Variants in TRAPPC8 observed in about 807,000 individuals in gnomAD.
TRAPPC8 encodes the protein trafficking protein particle complex subunit 8.
TRAPPC8 carries 54 observed loss-of-function variants against 174.3 expected under a neutral mutation model. That is an observed-to-expected ratio of 0.31 (90% CI 0.25 to 0.39). TRAPPC8 has a LOEUF of 0.39. Ranked by LOEUF, TRAPPC8 falls within the 10% of genes least tolerant of loss-of-function variation. The pLI is 1.00. For synonymous variants in TRAPPC8, 630 were observed against 579.9 expected (o/e 1.09, Z -1.24); for missense variants, 1,531 against 1,699.1 (o/e 0.90, Z 1.74).
chr18:31,940,715 T>G (rs903859712), intron 1 of TRAPPC8, among the ~76,000 whole-genome samples: 2 of 151,902 alleles, frequency 1.3e-5, no homozygotes, highest in African/African-American at 4.8e-5. Context: ...GCCAGGATGG[T>G]CTCGAACTCC....
At chr18:31,850,094 G>A (rs185751818) in intron 24 of TRAPPC8, among the ~76,000 whole-genome samples, 25 of 152,100 alleles carry the variant, frequency 1.6e-4, no homozygotes, top group Non-Finnish European at 1.2e-4. Context: ...CTAGGTTACA[G>A]GTGCGTGCCA....
At chr18:31,883,454 T>G (rs2076665154) in intron 12 of TRAPPC8, 1 of 152,146 alleles carries the variant, frequency 6.6e-6, no homozygotes, top group Non-Finnish European at 1.5e-5. Flanking sequence ...TAGCACCCAC[T>G]GTAACAGCTA....
chr18:31,935,364 C>CAAAAAAA (rs10646414), intron 1 of TRAPPC8, among the ~76,000 whole-genome samples: 16,414 of 108,030 alleles, frequency 0.15, 2,709 homozygotes, highest in African/African-American at 0.36. Flanking sequence ...ACAAACAAAC[C>CAAAAAAA]AAAAAAAAAA....
intron 1 of TRAPPC8, among the ~76,000 whole-genome samples, chr18:31,934,685 T>C (rs937079728): frequency 2.0e-5 from 3 of 151,934 alleles, no homozygotes; most frequent in Admixed American, 2.0e-4. Flanking sequence ...CTGGCCAACG[T>C]GGTGAAACCC....
At chr18:31,885,065 G>C (rs1463676186) in intron 12 of TRAPPC8, among the ~76,000 whole-genome samples, 1 of 151,974 alleles carries the variant, frequency 6.6e-6, no homozygotes, top group African/African-American at 2.4e-5. Context: ...CACCGTGTTA[G>C]CCAGGATGGT....
At chr18:31,896,946 C>T (rs543995902) in intron 11 of TRAPPC8, among the ~76,000 whole-genome samples, 35 of 152,192 alleles carry the variant, frequency 2.3e-4, no homozygotes, top group Admixed American at 1.7e-3. Flanking sequence ...ATCTTAAAGA[C>T]AGTTGGCCAT....
At chr18:31,900,901 T>A (rs1249722803) in intron 10 of TRAPPC8, 24 bp downstream of exon 10, 5 of 1,440,636 alleles carry the variant, frequency 3.5e-6, no homozygotes, top group Non-Finnish European at 4.7e-6. Context: ...CTGGATACAA[T>A]ATAAATCTTA....
chr18:31,852,677 G>A lies in TRAPPC8; in HGVS notation c.3434-14C>T, dbSNP rs747276348. On this transcript the variant is annotated splice_polypyrimidine_tract_variant and intron_variant, in intron 22 of 28. Transcript: ENST00000283351. ...CAAGTTTGGTATCTAGGAAGAAAAA[G>A]GGAAATTTCAAAGATGTTTCTCAGT... 6.2e-7 allele frequency: 1 copy of A among 1,608,630 alleles called. No homozygotes were observed. Among genetic ancestry groups the A allele is most frequent in the South Asian group, 1.1e-5 (1 of 90,798 alleles).
rs767553535 is a variant in TRAPPC8 at position 31,908,300 on chromosome 18, C to T, written c.1238+3G>A. On this transcript the variant is annotated splice_donor_region_variant and intron_variant, in intron 8 of 28. Coordinates refer to ENST00000283351, the MANE Select transcript of TRAPPC8 (RefSeq NM_014939.5). ...AAAACAAAAATGATAACACTTTACTCACAGCAAGCCAGATGTATTTTTCAG... is the reference window on the plus strand; with the variant it reads ...AAAACAAAAATGATAACACTTTACTTACAGCAAGCCAGATGTATTTTTCAG... 1 of 1,584,294 alleles carries T rather than the reference C, an allele frequency of 6.3e-7. No homozygotes were observed. The highest frequency in any genetic ancestry group is 1.2e-5 in the South Asian group (1 of 86,182).
chr18:31,921,389 G>A (rs953166748), intron 2 of TRAPPC8, among the ~76,000 whole-genome samples: 14 of 152,060 alleles, frequency 9.2e-5, no homozygotes, highest in Non-Finnish European at 1.5e-5. Flanking sequence ...CGAGGCAGGC[G>A]GATTACCTGA....
rs149488914 is a variant in TRAPPC8 at position 31,923,189 on chromosome 18, T to C, written c.353-5522A>G. On this transcript the variant is annotated intron_variant, in intron 2 of 28. Transcript: ENST00000283351. ...GTAAACAGGATAATGGATGATAAAA[T>C]AGATAACAAAAGTTGAAAAAAATAG... is the stretch of plus-strand genomic sequence containing the variant. Among the ~76,000 whole-genome samples the C allele has an allele frequency of 3.0e-3, 457 of 152,050 alleles. 2 individuals are homozygous for C. Among genetic ancestry groups the C allele is most frequent in the African/African-American group, 9.6e-3 (400 of 41,486 alleles).
chr18:31,936,444 A>G (rs916670738), intron 1 of TRAPPC8, among the ~76,000 whole-genome samples: 7 of 152,164 alleles, frequency 4.6e-5, no homozygotes, highest in African/African-American at 1.7e-4. Context: ...AGCCTAGGTG[A>G]CAAAGTGAGA....
At chr18:31,854,324 C>CA (rs2033877441) in intron 21 of TRAPPC8, among the ~76,000 whole-genome samples, 1 of 151,612 alleles carries the variant, frequency 6.6e-6, no homozygotes, top group African/African-American at 2.4e-5. Context: ...TCTTATTAGG[C>CA]AAAAAAACAA....
intron 27 of TRAPPC8, among the ~76,000 whole-genome samples, chr18:31,833,905 G>A (rs2032533347): frequency 6.7e-6 from 1 of 150,130 alleles, no homozygotes; most frequent in African/African-American, 2.5e-5. Flanking sequence ...GGGAGGCTGA[G>A]GCAGAAGAAT....
chr18:31,934,667 A>G (rs2038000904), intron 1 of TRAPPC8, among the ~76,000 whole-genome samples: 1 of 152,120 alleles, frequency 6.6e-6, no homozygotes, highest in Non-Finnish European at 1.5e-5. Flanking sequence ...CAGGAGTTCA[A>G]GACCAGCCTG....
chr18:31,831,509 T>A (rs2032368470), intron 28 of TRAPPC8, among the ~76,000 whole-genome samples: 1 of 152,230 alleles, frequency 6.6e-6, no homozygotes, highest in Non-Finnish European at 1.5e-5. Flanking sequence ...AGTGGATTAT[T>A]TCATTTAATG....
chr18:31,936,533 CT>C (rs1568159417), intron 1 of TRAPPC8, among the ~76,000 whole-genome samples: 2 of 152,114 alleles, frequency 1.3e-5, no homozygotes, highest in African/African-American at 4.8e-5. Flanking sequence ...GAGTTTGGTA[CT>C]TCCACACCTT....
At chr18:31,920,320 T>C (rs1487720858) in intron 2 of TRAPPC8, among the ~76,000 whole-genome samples, 1 of 152,172 alleles carries the variant, frequency 6.6e-6, no homozygotes. Context: ...ACACTATCTG[T>C]AATGACATTG....
In TRAPPC8 at chr18:31,864,658, G is replaced by A. The variant is rs767173314; in HGVS notation, c.2714C>T (p.Pro905Leu). The change falls in exon 19 of 29, where the codon CCC (proline) becomes CTC (leucine). Residue 905 changes from proline (P) to leucine (L), a missense_variant. Transcript: ENST00000283351. Reference protein sequence around the residue: ...VKYGPDRRLDPIITEEMPLLE... With the variant: ...VKYGPDRRLDLIITEEMPLLE... The stretch of plus-strand genomic sequence containing the variant: ...CAGTGGCATTTCTTCTGTGATTATG[G>A]GATCTAAACGTCGATCAGGGCCATA... The A allele has an allele frequency of 6.8e-6, 11 of 1,611,852 alleles. No individual in the cohort carries two copies. Among genetic ancestry groups the A allele is most frequent in the Admixed American group, 1.7e-5 (1 of 59,714 alleles).
Sources: allele counts gnomAD v4.1 joint callset (sites outside exome capture counted in the v4.1 genomes callset), GRCh38; gene constraint gnomAD v4.1.1; transcripts MANE v1.5; gene names NCBI Gene and HGNC (gene_info 2026-07-23, HGNC 2026-07-21).